The following APLP1 variants were observed in gnomAD, a reference collection of about 807,000 sequenced individuals.
APLP1 encodes the protein amyloid beta precursor like protein 1.
APLP1 carries 46 observed loss-of-function variants against 84.5 expected under a neutral mutation model. The observed-to-expected ratio is 0.54, with a 90% CI of 0.43 to 0.70. The LOEUF (loss-of-function observed/expected upper bound fraction) is 0.70, where lower values mean the gene tolerates loss of function less well. Among genes scored for constraint, APLP1 ranks in the 30% least tolerant of loss-of-function variants. The pLI is 0.00. For synonymous variants in APLP1, 376 were observed against 364.0 expected (o/e 1.03, Z -0.38); for missense variants, 826 against 900.2 (o/e 0.92, Z 1.05).
At position 35,871,719 on chromosome 19, in the gene APLP1, C is replaced by T. The variant is rs773768454; in HGVS notation, c.645C>T (p.Thr215=). Residue 215 remains threonine (T), a synonymous_variant, in exon 5 of 17, where the codon ACC becomes ACT. Coordinates refer to ENST00000221891, the MANE Select transcript of APLP1 (RefSeq NM_001024807.3). The part of the protein sequence containing the change: ...VEYVCCPPPG[T]PDPSGTAVGD... ...ATGTGTGCTGTCCCCCTCCAGGGAC[C>T]CCCGACCCATCTGGGACAGCAGTTG... 1.2e-6 allele frequency: 2 copies of T among 1,614,072 alleles called. No individual in the cohort carries two copies. The highest frequency in any genetic ancestry group is 4.5e-5 in the East Asian group (2 of 44,864).
Position 35,869,742 on chromosome 19 carries a change from G to A in APLP1, c.223G>A (p.Glu75Lys), listed in dbSNP as rs139993081. ...LHRDLRTGRW[E>K]PDPQRSRRCL... ...CCGGGACCTGCGCACCGGCCGCTGG[G>A]AACCAGACCCACAGCGCTCTCGACG... Residue 75 changes from glutamate (E) to lysine (K), a missense_variant, in exon 2 of 17, where the codon GAA (glutamate) becomes AAA (lysine). Physicochemically the swap from Glu to Lys is moderately conservative, Grantham distance 56 (BLOSUM62 1). Around this residue, in one of 3 missense-constraint regions of APLP1, gnomAD observed 383 missense variants for 378.3 expected, o/e 1.01. Transcript: ENST00000221891. 3.1e-6 allele frequency: 5 copies of A among 1,610,434 alleles called. No individual in the cohort carries two copies. The highest frequency in any genetic ancestry group is 1.3e-5 in the African/African-American group (1 of 74,852).
chr19:35,870,867 G>A (rs1344782368), intron 2 of APLP1, 29 bp from the exon 3 acceptor site: 2 of 1,593,968 alleles, frequency 1.3e-6, no homozygotes, highest in East Asian at 2.3e-5. Context: ...CGGGGCAGTG[G>A]GCTGATTGCC....
intron 11 of APLP1, among the ~76,000 whole-genome samples, 162 bp from the exon 12 acceptor site, chr19:35,877,556 C>T (rs1337711452): frequency 3.9e-5 from 6 of 151,920 alleles, no homozygotes; most frequent in Non-Finnish European, 5.9e-5. Context: ...GCCAGCAGTG[C>T]CTCCATCCAG....
At chr19:35,877,527 T>C (rs1387053423) in intron 11 of APLP1, among the ~76,000 whole-genome samples, 191 bp from the exon 12 acceptor site, 5 of 151,488 alleles carry the variant, frequency 3.3e-5, no homozygotes, top group Non-Finnish European at 2.9e-5. Flanking sequence ...ATCTTGAAAC[T>C]TCAGCCTCCA....
intron 1 of APLP1, chr19:35,869,147 A>C: frequency 3.2e-6 from 1 of 313,644 alleles, no homozygotes. Context: ...CTCTGGACCC[A>C]TATGGAGGCC....
chr19:35,870,063 G>A (rs1235507600), intron 2 of APLP1: 4 of 541,322 alleles, frequency 7.4e-6, no homozygotes, highest in Admixed American at 3.7e-5. Flanking sequence ...GGTGTAGGGG[G>A]GAGTGGCGAA....
chr19:35,869,900 G>A (rs1449268566), intron 2 of APLP1, 90 bp downstream of exon 2: 3 of 1,483,504 alleles, frequency 2.0e-6, no homozygotes, highest in Non-Finnish European at 2.7e-6. Flanking sequence ...GATCTAAGGC[G>A]TGGAGGCTGG....
chr19:35,873,899 C>T (rs1974218493), intron 8 of APLP1, among the ~76,000 whole-genome samples, 186 bp downstream of exon 8: 1 of 152,228 alleles, frequency 6.6e-6, no homozygotes, highest in South Asian at 2.1e-4. Flanking sequence ...ACACTGCTCT[C>T]CTCCCCAGAT....
Position 35,874,731 on chromosome 19 carries a change from C to T in APLP1, c.1216-10C>T. The T allele has an allele frequency of 6.2e-7, 1 of 1,612,480 alleles. No individual in the cohort carries two copies. The highest frequency in any genetic ancestry group is 1.7e-5 in the Admixed American group (1 of 59,986). ...AGGGCGGGCTTGGGCATCCTGTGTC[C>T]CTTCCACAGGCGGAGCGTGTCCTGT... is the stretch of plus-strand genomic sequence containing the variant. On this transcript the variant is annotated splice_polypyrimidine_tract_variant and intron_variant, in intron 9 of 16. Transcript: ENST00000221891. The surrounding 1 kb of genome is among the most constrained non-coding windows in gnomAD (Gnocchi z 6.4).
Position 35,873,593 on chromosome 19 carries a change from G to C in APLP1, c.982-46G>C, listed in dbSNP as rs140731583. On this transcript the variant is annotated intron_variant, in intron 7 of 16. Coordinates refer to ENST00000221891, the MANE Select transcript of APLP1 (RefSeq NM_001024807.3). Reference sequence around the variant, plus strand: ...AGAGGGGTTGGGGGACTTGCCAGGTGGATCAGGGTGGATTCTGGGATCCTG... The same window carrying C: ...AGAGGGGTTGGGGGACTTGCCAGGTCGATCAGGGTGGATTCTGGGATCCTG... 9 of 1,597,018 alleles carry C rather than the reference G, an allele frequency of 5.6e-6. No individual in the cohort carries two copies. In the East Asian group the frequency reaches 2.0e-4, roughly 36 times the overall value.
chr19:35,878,116 T>C lies in APLP1; in HGVS notation c.1579+8T>C. The C allele has an allele frequency of 6.2e-7, 1 of 1,612,178 alleles. No individual in the cohort carries two copies. Among genetic ancestry groups the C allele is most frequent in the Non-Finnish European group, 8.5e-7 (1 of 1,179,216 alleles). On this transcript the variant is annotated splice_region_variant and intron_variant, in intron 13 of 16. Coordinates refer to ENST00000221891, the MANE Select transcript of APLP1 (RefSeq NM_001024807.3). ...CCATGACCCTTCCAAAAGGTGAGTGTCTCACAGTTAACCCCAGCCTCCAAA... is the reference window on the plus strand; with the variant it reads ...CCATGACCCTTCCAAAAGGTGAGTGCCTCACAGTTAACCCCAGCCTCCAAA...
rs777687421 is a variant in APLP1 at position 35,879,211 on chromosome 19, G to A, written c.1851G>A (p.Val617=). ...KKPYGAISHG[V]VEVDPMLTLE... ...CCTACGGGGCTATCAGCCATGGCGT[G>A]GTGGAGGTGAGAACCATGGCGTGGT... The change falls in exon 16 of 17, where the codon GTG becomes GTA. Residue 617 remains valine (V), a synonymous_variant. Coordinates refer to ENST00000221891, the MANE Select transcript of APLP1 (RefSeq NM_001024807.3). The A allele has an allele frequency of 2.5e-6, 4 of 1,612,510 alleles. No individual in the cohort carries two copies. The East Asian group carries it at 8.9e-5, about 36-fold the overall frequency.
In APLP1 at chr19:35,870,918, C is replaced by T; in HGVS notation, c.314C>T (p.Ala105Val). 6.2e-7 allele frequency: 1 copy of T among 1,604,430 alleles called. No homozygotes were observed. The highest frequency in any genetic ancestry group is 8.5e-7 in the Non-Finnish European group (1 of 1,176,478). ...CRQMYPELQI[A>V]RVEQATQAIP... ...CAGATGTACCCGGAGCTGCAGATTG[C>T]ACGTGTGGAGCAGGCTACGCAGGCC... The change falls in exon 3 of 17, where the codon GCA (alanine) becomes GTA (valine). Residue 105 changes from alanine (A) to valine (V), a missense_variant. By Grantham distance (64) the Ala-to-Val change is moderately conservative. Transcript: ENST00000221891.
intron 2 of APLP1, chr19:35,870,183 C>T (rs1044930322): frequency 7.1e-6 from 2 of 282,796 alleles, no homozygotes; most frequent in Admixed American, 5.0e-5. Flanking sequence ...CATGAAAAGA[C>T]AAATTTATAA....
Position 35,879,555 on chromosome 19 carries a change from C to CT in APLP1, c.*118dup, listed in dbSNP as rs1208942803. 9.7e-6 allele frequency: 8 copies of CT among 822,964 alleles called. No individual in the cohort carries two copies. The African/African-American group carries it at 1.4e-4, about 14-fold the overall frequency. The allele number at this position is 822,964 out of a possible 1,614,324, so 51.0% of individuals were successfully genotyped here. A position where few individuals can be genotyped will look rare whatever the true frequency, so the allele number is the denominator to read the frequency against. On this transcript the variant is annotated 3_prime_UTR_variant, in exon 17 of 17. Coordinates refer to ENST00000221891, the MANE Select transcript of APLP1 (RefSeq NM_001024807.3). The stretch of plus-strand genomic sequence containing the variant: ...AGTCTTGAAGTGATCATTTCACACC[C>CT]TTTTGTGAGACGGCTGGAAATTCTT...
chr19:35,871,149 G>A, intron 3 of APLP1, 88 bp from the exon 4 acceptor site: 2 of 1,528,382 alleles, frequency 1.3e-6, no homozygotes, highest in Non-Finnish European at 1.8e-6. Context: ...GGGCAGAGAA[G>A]CCTCTGAGGA....
At position 35,878,624 on chromosome 19, in the gene APLP1, G is replaced by T. The variant is rs1431497657; in HGVS notation, c.1620G>T (p.Lys540Asn). 2 of 1,613,992 alleles carry T rather than the reference G, an allele frequency of 1.2e-6. No homozygotes were observed. The highest frequency in any genetic ancestry group is 1.7e-6 in the Non-Finnish European group (2 of 1,180,026). ...ATGCTGCATCCCCTGAGAAAGAGAA[G>T]ATGAACCCGCTGGAACAGTATGAGC... The part of the protein sequence containing the change: ...EQDAASPEKE[K>N]MNPLEQYERK... The change falls in exon 14 of 17, where the codon AAG becomes AAT. Residue 540 changes from lysine (K) to asparagine (N), a missense_variant. Around this residue, in one of 3 missense-constraint regions of APLP1, gnomAD observed 433 missense variants for 496.5 expected, o/e 0.87. Transcript: ENST00000221891.
chr19:35,874,887 G>A lies in APLP1; in HGVS notation c.1344+18G>A, dbSNP rs772241727. On this transcript the variant is annotated intron_variant, in intron 10 of 16. Transcript: ENST00000221891. The surrounding 1 kb of genome is among the most constrained non-coding windows in gnomAD (Gnocchi z 6.4). ...GCTTCCAGGTGCTCACATCCTTCCA[G>A]CTCCCAAATGCGCCGCTATTCCTCA... 1.9e-6 allele frequency: 3 copies of A among 1,603,152 alleles called. No homozygotes were observed. The highest frequency in any genetic ancestry group is 2.5e-6 in the Non-Finnish European group (3 of 1,179,018).
chr19:35,879,169 C>G lies in APLP1; in HGVS notation c.1809C>G (p.Leu603=). The G allele has an allele frequency of 6.2e-7, 1 of 1,613,058 alleles. No individual in the cohort carries two copies. The highest frequency in any genetic ancestry group is 1.1e-5 in the South Asian group (1 of 91,088). Reference sequence around the variant, plus strand: ...CCCTCATCGTCCTCTCCATGCTGCTCCTGCGCAGGAAGAAGCCCTACGGGG... The same window carrying G: ...CCCTCATCGTCCTCTCCATGCTGCTGCTGCGCAGGAAGAAGCCCTACGGGG... ...GGSLIVLSML[L]LRRKKPYGAI... The change falls in exon 16 of 17, where the codon CTC becomes CTG. Residue 603 remains leucine (L), a synonymous_variant. Coordinates refer to ENST00000221891, the MANE Select transcript of APLP1 (RefSeq NM_001024807.3).
Sources: allele counts gnomAD v4.1 joint callset (sites outside exome capture counted in the v4.1 genomes callset), GRCh38; gene constraint gnomAD v4.1.1; regional missense constraint gnomAD v4.1.1; non-coding constraint Gnocchi (gnomAD v3.1); transcripts MANE v1.5; gene names NCBI Gene and HGNC (gene_info 2026-07-23, HGNC 2026-07-21).